PDGFRL: variants seen among roughly 807,000 people sequenced by gnomAD.
PDGFRL encodes platelet derived growth factor receptor like, also known as platelet-derived growth factor receptor-like protein.
Under a neutral mutation model 37.2 loss-of-function variants are expected in PDGFRL, and 46 were observed. The observed-to-expected ratio is 1.24, with a 90% CI of 0.98 to 1.58. PDGFRL has a LOEUF of 1.58. Among genes scored for constraint, PDGFRL ranks in the 40% most tolerant of loss-of-function variants. The pLI, the probability that PDGFRL is intolerant of heterozygous loss-of-function variation, is 0.00. For missense variants in PDGFRL, 692 were observed against 467.6 expected (o/e 1.48, Z -4.43); for synonymous variants, 251 against 184.3 (o/e 1.36, Z -2.93).
At chr8:17,625,205 G>A (rs1804709526) in intron 3 of PDGFRL, among the ~76,000 whole-genome samples, 1 of 141,290 alleles carries the variant, frequency 7.1e-6, no homozygotes. Context: ...AGATTGGAGT[G>A]CAGTGGCACC....
At chr8:17,636,996 A>C (rs140786417) in intron 5 of PDGFRL, among the ~76,000 whole-genome samples, 1,887 of 152,310 alleles carry the variant, frequency 0.012, 69 homozygotes, top group East Asian at 0.082. Context: ...TTCATCTATC[A>C]GTTCTAGCAG....
chr8:17,588,774 T>G (rs1406675644), intron 1 of PDGFRL, among the ~76,000 whole-genome samples: 18 of 152,156 alleles, frequency 1.2e-4, no homozygotes, highest in Admixed American at 6.5e-4. Context: ...AGAATCAAAA[T>G]GAATGGTGAC....
At chr8:17,609,504 G>A (rs1052841168) in intron 2 of PDGFRL, among the ~76,000 whole-genome samples, 7 of 151,144 alleles carry the variant, frequency 4.6e-5, no homozygotes, top group African/African-American at 1.7e-4. Context: ...TGGGTGTGGT[G>A]GCGTGCACCT....
At chr8:17,589,870 C>A in intron 2 of PDGFRL, 105 bp downstream of exon 2, 1 of 688,602 alleles carries the variant, frequency 1.5e-6, no homozygotes, top group Non-Finnish European at 2.4e-6. Context: ...TTCCATTTTA[C>A]CCTAATAGAT....
At position 17,628,777 on chromosome 8, in the gene PDGFRL, G is replaced by A. The variant is rs750145329; in HGVS notation, c.796G>A (p.Ala266Thr). The A allele has an allele frequency of 2.5e-6, 4 of 1,612,398 alleles. No individual in the cohort carries two copies. The African/African-American group carries it at 5.3e-5, about 22-fold the overall frequency. Residue 266 changes from alanine to threonine, a missense_variant, in exon 4 of 6, where the codon GCG (alanine) becomes ACG (threonine). Transcript: ENST00000251630. The stretch of plus-strand genomic sequence containing the variant: ...CGTCAAGTACCAGCTGCTCTATGTG[G>A]CGGGTAAGCCTGGCCACCCCTGCCT... Reference protein sequence around the residue: ...ISVKYQLLYVAVPSGPPSTTI... With the variant: ...ISVKYQLLYVTVPSGPPSTTI...
At chr8:17,587,717 T>G (rs896291162) in intron 1 of PDGFRL, among the ~76,000 whole-genome samples, 17 of 150,688 alleles carry the variant, frequency 1.1e-4, no homozygotes, top group African/African-American at 4.2e-4. Context: ...AACCTCCGCC[T>G]CCCGGGTTCA....
chr8:17,598,220 C>G (rs1804093791), intron 2 of PDGFRL, among the ~76,000 whole-genome samples: 1 of 152,214 alleles, frequency 6.6e-6, no homozygotes, highest in Non-Finnish European at 1.5e-5. Context: ...TTTGAATCTT[C>G]CGTTTATTAC....
At chr8:17,625,441 C>A (rs1374769571) in intron 3 of PDGFRL, among the ~76,000 whole-genome samples, 2 of 121,204 alleles carry the variant, frequency 1.7e-5, no homozygotes, top group Non-Finnish European at 3.5e-5. Flanking sequence ...TGAGCCACTG[C>A]ACCTGGTCGA....
At chr8:17,628,396 C>G (rs924153020) in intron 3 of PDGFRL, 91 bp from the exon 4 acceptor site, 6 of 897,890 alleles carry the variant, frequency 6.7e-6, no homozygotes, top group Non-Finnish European at 1.1e-5. Context: ...CCTAAGGACT[C>G]AGTATTCAGA....
intron 5 of PDGFRL, among the ~76,000 whole-genome samples, chr8:17,638,989 C>T (rs1805037907): frequency 1.3e-5 from 2 of 151,506 alleles, no homozygotes; most frequent in African/African-American, 2.4e-5. Context: ...GTGGAGGTTG[C>T]ATTGAGCCAA....
At chr8:17,584,866 G>C (rs759300003) in intron 1 of PDGFRL, among the ~76,000 whole-genome samples, 29 of 152,072 alleles carry the variant, frequency 1.9e-4, no homozygotes, top group Non-Finnish European at 3.8e-4. Flanking sequence ...AATCTATTAA[G>C]AAAGTAAAGG....
rs763591858 is a variant in PDGFRL at position 17,577,240 on chromosome 8, C to G, written c.-13C>G. 1.9e-5 allele frequency: 30 copies of G among 1,611,686 alleles called. 2 individuals carry two copies. Among genetic ancestry groups the G allele is most frequent in the South Asian group, 9.9e-5 (9 of 90,460 alleles). On this transcript the variant is annotated 5_prime_UTR_variant, in exon 1 of 6. Transcript: ENST00000251630. ...CGCCGCGCTCCTGCGCTCCGAGGTCCGAGGTTCCCGAGATGAAGGTCTGGC... is the reference window on the plus strand; with the variant it reads ...CGCCGCGCTCCTGCGCTCCGAGGTCGGAGGTTCCCGAGATGAAGGTCTGGC...
rs1160408377 is a variant in PDGFRL, at chr8:17,579,542, ATT to A, written c.55+2238_55+2239del. On this transcript the variant is annotated intron_variant, in intron 1 of 5. Coordinates refer to ENST00000251630, the MANE Select transcript of PDGFRL (RefSeq NM_001372073.1). The stretch of plus-strand genomic sequence containing the variant: ...CATCTAAAAGACAGTCTTTATTATT[ATT>A]TTATTATTATTGTTATTATTATTAT... 1.8e-3 allele frequency among the ~76,000 whole-genome samples: 188 copies of A among 104,556 alleles called. 1 individual carries two copies. The highest frequency in any genetic ancestry group is 1.5e-3 in the Non-Finnish European group (77 of 51,208). The allele number at this position is 104,556 out of a possible 152,430, so 68.6% of individuals were successfully genotyped here.
At chr8:17,591,804 C>T (rs1012150375) in intron 2 of PDGFRL, among the ~76,000 whole-genome samples, 1 of 152,122 alleles carries the variant, frequency 6.6e-6, no homozygotes, top group Non-Finnish European at 1.5e-5. Context: ...GTCCCAGCTA[C>T]TCGGAAGGCT....
intron 2 of PDGFRL, among the ~76,000 whole-genome samples, chr8:17,617,747 G>T (rs1329183467): frequency 6.6e-6 from 1 of 152,208 alleles, no homozygotes; most frequent in African/African-American, 2.4e-5. Flanking sequence ...CATGCAGATT[G>T]CACACTGGTG....
chr8:17,592,736 C>G (rs1366122669), intron 2 of PDGFRL, among the ~76,000 whole-genome samples: 1 of 152,178 alleles, frequency 6.6e-6, no homozygotes, highest in Non-Finnish European at 1.5e-5. Context: ...GCTATGTGTT[C>G]CCACAGCACT....
At chr8:17,635,093 C>G (rs1804945332) in intron 5 of PDGFRL, among the ~76,000 whole-genome samples, 1 of 152,156 alleles carries the variant, frequency 6.6e-6, no homozygotes, top group African/African-American at 2.4e-5. Context: ...CTAATCTAAC[C>G]TCCTCCTGGG....
rs1170471179 is a variant in PDGFRL at position 17,589,670 on chromosome 8, GC to G, written c.259del (p.Leu87TrpfsTer6). 7 of 1,613,276 alleles carry G rather than the reference GC, an allele frequency of 4.3e-6. No individual in the cohort carries two copies. Among genetic ancestry groups the G allele is most frequent in the Non-Finnish European group, 5.9e-6 (7 of 1,179,210 alleles). Reference sequence around the variant, plus strand: ...AGAAACCCGCCGCTACCCTGAGTCTGCTGGCGGGGCAAACTGTAGAGCTTCG... The same window carrying G: ...AGAAACCCGCCGCTACCCTGAGTCTGTGGCGGGGCAAACTGTAGAGCTTCG... ...FQKPAATLSL[L>X]AGQTVELRCK... On this transcript the variant is annotated frameshift_variant, in exon 2 of 6. Coordinates refer to ENST00000251630, the MANE Select transcript of PDGFRL (RefSeq NM_001372073.1). LOFTEE classifies it high-confidence loss of function.
intron 3 of PDGFRL, 72 bp from the exon 4 acceptor site, chr8:17,628,415 C>G: frequency 8.1e-7 from 1 of 1,240,410 alleles, no homozygotes; most frequent in South Asian, 1.3e-5. Flanking sequence ...GAGTATGCTG[C>G]CAAAATCCTT....
Sources: allele counts gnomAD v4.1 joint callset (sites outside exome capture counted in the v4.1 genomes callset), GRCh38; gene constraint gnomAD v4.1.1; transcripts MANE v1.5; gene names NCBI Gene and HGNC (gene_info 2026-07-23, HGNC 2026-07-21).